ZCWPW1: variants seen among roughly 807,000 people sequenced by gnomAD.
ZCWPW1 encodes zinc finger CW-type PWWP domain protein 1.
ZCWPW1 carries 56 observed loss-of-function variants against 81.3 expected under a neutral mutation model. That is an observed-to-expected ratio of 0.69 (90% CI 0.56 to 0.86). The LOEUF (loss-of-function observed/expected upper bound fraction) is 0.86, where lower values mean the gene tolerates loss of function less well. Ranked by LOEUF, ZCWPW1 falls within the 40% of genes least tolerant of loss-of-function variation. The pLI is 0.00. For missense variants in ZCWPW1, 650 were observed against 769.8 expected, an observed-to-expected ratio of 0.84 and a Z score of 1.84; for synonymous variants, 250 against 273.7, an observed-to-expected ratio of 0.91 and a Z score of 0.86.
At chr7:100,419,565 C>A in intron 4 of ZCWPW1, 65 bp downstream of exon 4, 2 of 1,535,282 alleles carry the variant, frequency 1.3e-6, no homozygotes, top group South Asian at 1.3e-5. Context: ...CTCTGTTTGT[C>A]TAGCCTGAGC....
At chr7:100,421,925 C>T (rs1796427807) in intron 2 of ZCWPW1, among the ~76,000 whole-genome samples, 1 of 152,164 alleles carries the variant, frequency 6.6e-6, no homozygotes, top group Non-Finnish European at 1.5e-5. Flanking sequence ...CTCCCCACCT[C>T]AGGTGATCTG....
Position 100,401,001 on chromosome 7 carries a change from A to G in ZCWPW1, c.*13T>C, listed in dbSNP as rs758502357. ...CAGAGAAGGGAGAAAAAGAGGGAGC[A>G]GAGGAGCACCAGCTACTTCCCAAAC... On this transcript the variant is annotated 3_prime_UTR_variant, in exon 18 of 18. Coordinates refer to ENST00000684423, the MANE Select transcript of ZCWPW1 (RefSeq NM_001386010.1). The G allele has an allele frequency of 1.4e-5, 22 of 1,594,040 alleles. No individual in the cohort carries two copies. The East Asian group carries it at 4.5e-4, about 32-fold the overall frequency.
intron 8 of ZCWPW1, among the ~76,000 whole-genome samples, chr7:100,411,524 C>T (rs959170224): frequency 2.6e-5 from 4 of 152,304 alleles, no homozygotes; most frequent in Admixed American, 1.3e-4. Flanking sequence ...CCTCCTCAGC[C>T]TGCCAAAGTG....
rs758061043 is a variant in ZCWPW1, at chr7:100,406,755, G to A, written c.1112C>T (p.Ala371Val). The change falls in exon 12 of 18, where the codon GCA becomes GTA. Residue 371 changes from alanine (A) to valine (V), a missense_variant. By Grantham distance (64) the Ala-to-Val change is moderately conservative. Coordinates refer to ENST00000684423, the MANE Select transcript of ZCWPW1 (RefSeq NM_001386010.1). ...VTFFGETVSR[A>V]WIPVNMLKNF... ...CTTTAGCATGTTGACTGGGATCCAT[G>A]CACGAGAAACTGTTTCTCCAAAAAA... is the stretch of plus-strand genomic sequence containing the variant. The A allele has an allele frequency of 1.7e-5, 27 of 1,614,042 alleles. No individual in the cohort carries two copies. The highest frequency in any genetic ancestry group is 2.3e-5 in the Non-Finnish European group (27 of 1,180,030).
rs1793211769 is a variant in ZCWPW1 at position 100,407,237 on chromosome 7, A to C, written c.1059T>G (p.Asp353Glu). 1.9e-6 allele frequency: 3 copies of C among 1,613,954 alleles called. No homozygotes were observed. The East Asian group carries it at 6.7e-5, about 36-fold the overall frequency. ...GEYFLFTSHLDSLPSKYHVTF... is the reference protein window; with the variant it reads ...GEYFLFTSHLESLPSKYHVTF... ...GAACCAGGAAACTCACCGGCAGGGA[A>C]TCAAGATGGGAAGTAAAAAGAAAAT... Residue 353 changes from aspartate to glutamate, a missense_variant, in exon 11 of 18, where the codon GAT (aspartate) becomes GAG (glutamate). Coordinates refer to ENST00000684423, the MANE Select transcript of ZCWPW1 (RefSeq NM_001386010.1).
At chr7:100,420,200 A>G (rs1796092783) in intron 3 of ZCWPW1, among the ~76,000 whole-genome samples, 1 of 152,230 alleles carries the variant, frequency 6.6e-6, no homozygotes, top group African/African-American at 2.4e-5. Context: ...AAACTGTATA[A>G]TTTGCTCATT....
At chr7:100,406,820 T>C in intron 11 of ZCWPW1, 22 bp from the exon 12 acceptor site, 1 of 1,604,346 alleles carries the variant, frequency 6.2e-7, no homozygotes, top group Non-Finnish European at 8.5e-7. Context: ...GATGATCCTG[T>C]TACGGACTCC....
chr7:100,403,766 C>G lies in ZCWPW1; in HGVS notation c.1341G>C (p.Leu447Phe). ...TCTCTAAGCAGGATCCTGGGCTGTTCAAACCAGAGAGCTGTAAGTCTAGAA... is the reference window on the plus strand; with the variant it reads ...TCTCTAAGCAGGATCCTGGGCTGTTGAAACCAGAGAGCTGTAAGTCTAGAA... ...GERKDLQLSG[L>F]NSPGSCLEKK... The change falls in exon 15 of 18, where the codon TTG becomes TTC. Residue 447 changes from leucine (L) to phenylalanine (F), a missense_variant. Physicochemically the swap from Leu to Phe is conservative, Grantham distance 22. Coordinates refer to ENST00000684423, the MANE Select transcript of ZCWPW1 (RefSeq NM_001386010.1). 1 of 1,614,044 alleles carries G rather than the reference C, an allele frequency of 6.2e-7. No homozygotes were observed. Among genetic ancestry groups the G allele is most frequent in the Non-Finnish European group, 8.5e-7 (1 of 1,179,986 alleles).
At position 100,403,793 on chromosome 7, in the gene ZCWPW1, A is replaced by G. The variant is rs1792417963; in HGVS notation, c.1322-8T>C. 1 of 1,610,634 alleles carries G rather than the reference A, an allele frequency of 6.2e-7. No homozygotes were observed. The highest frequency in any genetic ancestry group is 8.5e-7 in the Non-Finnish European group (1 of 1,177,432). On this transcript the variant is annotated splice_polypyrimidine_tract_variant and splice_region_variant and intron_variant, in intron 14 of 17. Transcript: ENST00000684423. The stretch of plus-strand genomic sequence containing the variant: ...AACCAGAGAGCTGTAAGTCTAGAAC[A>G]GGAAAAGGAAGGAAAGGCTAAATCA...
chr7:100,410,563 C>T (rs1314103633), intron 8 of ZCWPW1, among the ~76,000 whole-genome samples: 1 of 152,182 alleles, frequency 6.6e-6, no homozygotes, highest in East Asian at 1.9e-4. Flanking sequence ...GTCTTCTCTC[C>T]ACCTCCTGCC....
At position 100,403,677 on chromosome 7, in the gene ZCWPW1, A is replaced by G. The variant is rs376783671; in HGVS notation, c.1413+17T>C. ...CATCTCTATAAAAATAAAAACTGAA[A>G]TTAAAGCTAATCTTACTGTTTTCTC... On this transcript the variant is annotated intron_variant, in intron 15 of 17. Coordinates refer to ENST00000684423, the MANE Select transcript of ZCWPW1 (RefSeq NM_001386010.1). The G allele has an allele frequency of 1.4e-5, 23 of 1,589,866 alleles. No individual in the cohort carries two copies. Among genetic ancestry groups the G allele is most frequent in the Non-Finnish European group, 2.0e-5 (23 of 1,166,660 alleles).
chr7:100,425,372 T>A (rs920407671), intron 1 of ZCWPW1, among the ~76,000 whole-genome samples: 3 of 152,062 alleles, frequency 2.0e-5, no homozygotes, highest in Admixed American at 2.0e-4. Flanking sequence ...ACCAGTACAG[T>A]TCCAGAAACC....
chr7:100,409,366 G>A, intron 9 of ZCWPW1, 62 bp downstream of exon 9: 2 of 1,294,420 alleles, frequency 1.5e-6, no homozygotes, highest in Non-Finnish European at 2.2e-6. Context: ...TAAAGGATAA[G>A]TGCAGAGAAA....
chr7:100,406,564 C>T lies in ZCWPW1; in HGVS notation c.1173+130G>A, dbSNP rs1176678666. The T allele has an allele frequency of 9.0e-5, 76 of 846,370 alleles. 2 individuals are homozygous for T. Among genetic ancestry groups the T allele is most frequent in the Non-Finnish European group, 5.5e-6 (3 of 540,566 alleles). The allele number at this position is 846,370 out of a possible 1,614,324, so 52.4% of individuals were successfully genotyped here. ...GCAAGAAGAGTCCTTCATGAATTAC[C>T]TCACCCTTGGCACACCTGGTCAGAC... On this transcript the variant is annotated intron_variant, in intron 12 of 17. Coordinates refer to ENST00000684423, the MANE Select transcript of ZCWPW1 (RefSeq NM_001386010.1).
At chr7:100,427,689 A>G (rs1268192728) in intron 1 of ZCWPW1, among the ~76,000 whole-genome samples, 1 of 150,240 alleles carries the variant, frequency 6.7e-6, no homozygotes, top group Non-Finnish European at 1.5e-5. Flanking sequence ...ACAGAGCGAG[A>G]CAGTCTTTAA....
chr7:100,427,346 T>C (rs1157143537), intron 1 of ZCWPW1, among the ~76,000 whole-genome samples: 1 of 150,218 alleles, frequency 6.7e-6, no homozygotes, highest in Non-Finnish European at 1.5e-5. Context: ...GTGGATCACC[T>C]TAAGTCAGGA....
At chr7:100,408,749 T>C (rs571514541) in intron 9 of ZCWPW1, 90 bp from the exon 10 acceptor site, 126 of 1,508,538 alleles carry the variant, frequency 8.4e-5, no homozygotes, top group African/African-American at 2.4e-4. Context: ...AAGAAGGAAA[T>C]TGGTATATGC....
intron 8 of ZCWPW1, among the ~76,000 whole-genome samples, chr7:100,412,638 G>C (rs898702125): frequency 1.3e-5 from 2 of 151,800 alleles, no homozygotes; most frequent in African/African-American, 4.8e-5. Context: ...CTGGAGTGCA[G>C]TGGCACGATC....
At chr7:100,417,001 A>T (rs1563142567) in intron 6 of ZCWPW1, 65 bp downstream of exon 6, 3 of 1,192,472 alleles carry the variant, frequency 2.5e-6, no homozygotes, top group African/African-American at 1.5e-5. Context: ...ACAGATAGAT[A>T]GACTGACTGA....
Sources: allele counts gnomAD v4.1 joint callset (sites outside exome capture counted in the v4.1 genomes callset), GRCh38; gene constraint gnomAD v4.1.1; transcripts MANE v1.5; gene names NCBI Gene and HGNC (gene_info 2026-07-23, HGNC 2026-07-21).